The following SRP68 variants were observed in gnomAD, a reference collection of about 807,000 sequenced individuals.
SRP68 encodes the protein signal recognition particle subunit SRP68.
In SRP68, 15 loss-of-function variants were observed where a neutral mutation model predicts 82.2. The ratio of observed to expected loss-of-function variants is 0.18; its 90% CI spans 0.12 to 0.28. The LOEUF is 0.28. SRP68 is among the 10% of genes least tolerant of loss of function. The pLI is 1.00. For missense variants in SRP68, 595 were observed against 780.5 expected, an observed-to-expected ratio of 0.76 and a Z score of 2.83; for synonymous variants, 261 against 292.6, an observed-to-expected ratio of 0.89 and a Z score of 1.10.
chr17:76,039,387 G>A lies in SRP68; in HGVS notation c.*319C>T, dbSNP rs1441273940. 1.9e-6 allele frequency: 1 copy of A among 538,798 alleles called. No homozygotes were observed. Among genetic ancestry groups the A allele is most frequent in the African/African-American group, 1.9e-5 (1 of 53,190 alleles). The allele number at this position is 538,798 out of a possible 1,614,324, so 33.4% of individuals were successfully genotyped here. ...CGTTTCAAGGCCCCATCTGTGCCTG[G>A]TGTGGACTCCTGAACGCATTACTGA... is the stretch of plus-strand genomic sequence containing the variant. On this transcript the variant is annotated 3_prime_UTR_variant, in exon 16 of 16. Coordinates refer to ENST00000307877, the MANE Select transcript of SRP68 (RefSeq NM_014230.4).
At chr17:76,041,107 T>C (rs1326464752) in intron 13 of SRP68, 129 bp from the exon 14 acceptor site, 3 of 631,102 alleles carry the variant, frequency 4.8e-6, no homozygotes. Context: ...GTTCTCACTA[T>C]TAGAACAAAA....
intron 7 of SRP68, 54 bp from the exon 8 acceptor site, chr17:76,057,597 G>A: frequency 1.3e-6 from 2 of 1,588,334 alleles, no homozygotes; most frequent in Non-Finnish European, 8.6e-7. Context: ...GAGTGATGGA[G>A]GTGAAAATAA....
intron 2 of SRP68, among the ~76,000 whole-genome samples, chr17:76,068,288 G>C (rs888131812): frequency 6.7e-6 from 1 of 149,828 alleles, no homozygotes; most frequent in East Asian, 2.0e-4. Flanking sequence ...GTAAAACTCC[G>C]TCTCGAAAAA....
chr17:76,062,419 C>T (rs2066759133), intron 4 of SRP68, among the ~76,000 whole-genome samples: 1 of 134,408 alleles, frequency 7.4e-6, no homozygotes, highest in Non-Finnish European at 1.5e-5. Context: ...CTGTGCACTC[C>T]AGCTTGGGAC....
At chr17:76,068,592 GA>G (rs1163171183) in intron 2 of SRP68, among the ~76,000 whole-genome samples, 1 of 152,192 alleles carries the variant, frequency 6.6e-6, no homozygotes, top group East Asian at 1.9e-4. Context: ...CAGGTCTGAA[GA>G]AAAGTGAGGA....
chr17:76,048,604 C>G (rs1168761683), intron 9 of SRP68: 1 of 152,160 alleles, frequency 6.6e-6, no homozygotes. Flanking sequence ...AGCCACAAGC[C>G]AAGGACTACA....
chr17:76,040,890 G>A lies in SRP68; in HGVS notation c.1600+13C>T, dbSNP rs906599914. On this transcript the variant is annotated intron_variant, in intron 14 of 15. Transcript: ENST00000307877. ...GGAAGTCTGGGGATACAAAGGCCAG[G>A]CAGGGGGCTCACCAAGGATGGCTGC... 9.3e-6 allele frequency: 15 copies of A among 1,613,482 alleles called. No homozygotes were observed. Among genetic ancestry groups the A allele is most frequent in the East Asian group, 8.9e-5 (4 of 44,890 alleles).
intron 4 of SRP68, among the ~76,000 whole-genome samples, chr17:76,062,380 C>T (rs1421696616): frequency 6.8e-6 from 1 of 146,240 alleles, no homozygotes; most frequent in Non-Finnish European, 1.5e-5. Flanking sequence ...TGCATGAGCC[C>T]AGGAGTTCAT....
chr17:76,067,586 C>T (rs2066816985), intron 2 of SRP68, among the ~76,000 whole-genome samples: 1 of 152,076 alleles, frequency 6.6e-6, no homozygotes, highest in South Asian at 2.1e-4. Context: ...ACCTCAGCCT[C>T]CTGGGTAGAT....
intron 6 of SRP68, 84 bp from the exon 7 acceptor site, chr17:76,060,474 C>T: frequency 1.1e-6 from 1 of 906,066 alleles, no homozygotes; most frequent in Non-Finnish European, 1.8e-6. Flanking sequence ...TTAAAGAGCT[C>T]TTCCCCCTCC....
chr17:76,067,573 C>T (rs551200486), intron 2 of SRP68, among the ~76,000 whole-genome samples: 12 of 152,244 alleles, frequency 7.9e-5, no homozygotes, highest in African/African-American at 2.4e-4. Context: ...AGTCAATCCT[C>T]CCACCTCAGC....
At chr17:76,070,881 A>ACACACAC (rs1555630333) in intron 1 of SRP68, among the ~76,000 whole-genome samples, 4 of 88,742 alleles carry the variant, frequency 4.5e-5, no homozygotes, top group East Asian at 4.3e-4. Flanking sequence ...CACACACACA[A>ACACACAC]ATTTGTGAAA....
At chr17:76,064,308 T>G in intron 3 of SRP68, 137 bp from the exon 4 acceptor site, 1 of 712,732 alleles carries the variant, frequency 1.4e-6, no homozygotes, top group Non-Finnish European at 2.3e-6. Context: ...TCTTCTGATA[T>G]TCTCAGCCAT....
At chr17:76,062,485 G>GATAT (rs1195495565) in intron 4 of SRP68, among the ~76,000 whole-genome samples, 1 of 95,852 alleles carries the variant, frequency 1.0e-5, no homozygotes, top group African/African-American at 4.4e-5. Flanking sequence ...AGAATATGGA[G>GATAT]ATATATATAT....
Position 76,072,402 on chromosome 17 carries a change from T to C in SRP68, c.90A>G (p.Gly30=), listed in dbSNP as rs765681468. 1 of 1,586,874 alleles carries C rather than the reference T, an allele frequency of 6.3e-7. No individual in the cohort carries two copies. Among genetic ancestry groups the C allele is most frequent in the African/African-American group, 1.3e-5 (1 of 74,316 alleles). ...GGSGGGGSGG[G]RGAGGEENKE... ...TATTTTCTTCCCCTCCGGCACCACGTCCACCGCCGCTACCGCCGCCGCCAC... is the reference window on the plus strand; with the variant it reads ...TATTTTCTTCCCCTCCGGCACCACGCCCACCGCCGCTACCGCCGCCGCCAC... Residue 30 remains glycine, a synonymous_variant, in exon 1 of 16, where the codon GGA becomes GGG. Coordinates refer to ENST00000307877, the MANE Select transcript of SRP68 (RefSeq NM_014230.4). This position sits in a 1 kb window ranked among gnomAD's most constrained non-coding sequence, Gnocchi z 4.5.
At chr17:76,060,839 C>T (rs974821899) in intron 6 of SRP68, 8 of 417,176 alleles carry the variant, frequency 1.9e-5, no homozygotes, top group Admixed American at 1.7e-4. Flanking sequence ...TGCTCTAAAA[C>T]AGTAAAAAAT....
chr17:76,070,562 C>T, intron 1 of SRP68, 118 bp from the exon 2 acceptor site: 2 of 886,390 alleles, frequency 2.3e-6, no homozygotes, highest in Non-Finnish European at 3.6e-6. Context: ...GAAATATAGC[C>T]AGGTACGGTG....
intron 12 of SRP68, 160 bp downstream of exon 12, chr17:76,045,132 A>C: frequency 1.6e-6 from 1 of 608,312 alleles, no homozygotes; most frequent in Non-Finnish European, 2.9e-6. Context: ...CAGCCTTTAG[A>C]AACTCCCCTT....
Position 76,071,398 on chromosome 17 carries a change from T to C in SRP68, c.184+910A>G, listed in dbSNP as rs1399631521. ...GTCCAATGACCTTCATCTATATAGG[T>C]ATAGTTTTAATGTTTCCTCAACACT... is the stretch of plus-strand genomic sequence containing the variant. On this transcript the variant is annotated intron_variant, in intron 1 of 15. Coordinates refer to ENST00000307877, the MANE Select transcript of SRP68 (RefSeq NM_014230.4). This position sits in a 1 kb window ranked among gnomAD's most constrained non-coding sequence, Gnocchi z 4.7. Among the ~76,000 whole-genome samples, 1 of 152,226 alleles carries C rather than the reference T, an allele frequency of 6.6e-6. No homozygotes were observed. Among genetic ancestry groups the C allele is most frequent in the Non-Finnish European group, 1.5e-5 (1 of 68,044 alleles).
Sources: gnomAD v4.1 joint callset for allele counts (sites outside exome capture counted in the v4.1 genomes callset) on GRCh38, gnomAD v4.1.1 for gene constraint, Gnocchi (gnomAD v3.1) non-coding constraint, MANE v1.5 for transcripts, NCBI Gene and HGNC (gene_info 2026-07-23, HGNC 2026-07-21) for gene names.